CFAP20DC: variants seen among roughly 807,000 people sequenced by gnomAD.
CFAP20DC encodes the protein protein CFAP20DC.
Under a neutral mutation model 101.7 loss-of-function variants are expected in CFAP20DC, and 84 were observed. The observed-to-expected ratio is 0.83, with a 90% CI of 0.69 to 0.99. CFAP20DC has a LOEUF of 0.99. Ranked by LOEUF, CFAP20DC falls within the 50% of genes least tolerant of loss-of-function variation. The pLI is 0.00. For synonymous variants in CFAP20DC, 359 were observed against 351.2 expected (o/e 1.02, Z -0.25); for missense variants, 1,007 against 970.3 (o/e 1.04, Z -0.50).
intron 15 of CFAP20DC, among the ~76,000 whole-genome samples, chr3:58,771,645 A>G (rs2070857159): frequency 6.6e-6 from 1 of 152,334 alleles, no homozygotes; most frequent in African/African-American, 2.4e-5. Flanking sequence ...ATTTTCCCTG[A>G]GAAGGACATT....
Position 58,717,787 on chromosome 3 carries a change from C to T in CFAP20DC, c.198-159G>A, listed in dbSNP as rs1169288476. 6.6e-6 allele frequency among the ~76,000 whole-genome samples: 1 copy of T among 152,138 alleles called. No individual in the cohort carries two copies. The highest frequency in any genetic ancestry group is 1.5e-5 in the Non-Finnish European group (1 of 68,038). On this transcript the variant is annotated intron_variant, in intron 3 of 3. Transcript: ENST00000486145. The surrounding 1 kb of genome is among the most constrained non-coding windows in gnomAD (Gnocchi z 4.1). ...GCAACTTATTAGCTAGAACTGGTGACTTGATCATCTCCAGCTGGATGAGAC... is the reference window on the plus strand; with the variant it reads ...GCAACTTATTAGCTAGAACTGGTGATTTGATCATCTCCAGCTGGATGAGAC...
At chr3:58,767,051 C>T (rs981539619) in intron 15 of CFAP20DC, among the ~76,000 whole-genome samples, 1 of 152,132 alleles carries the variant, frequency 6.6e-6, no homozygotes, top group African/African-American at 2.4e-5. Context: ...ATGTCGCAAC[C>T]CCATTAGACT....
chr3:58,840,833 T>A (rs1348982408), intron 13 of CFAP20DC, among the ~76,000 whole-genome samples: 2 of 152,202 alleles, frequency 1.3e-5, no homozygotes, highest in Non-Finnish European at 2.9e-5. Context: ...TAGGTATTAT[T>A]TTCTCCATTT....
intron 12 of CFAP20DC, among the ~76,000 whole-genome samples, chr3:58,856,120 T>TAA (rs201618257): frequency 6.7e-6 from 1 of 148,766 alleles, no homozygotes; most frequent in Non-Finnish European, 1.5e-5. Flanking sequence ...TCAATAATAC[T>TAA]AAAAAAAAAC....
chr3:58,824,593 ATGT>A (rs2075913111), intron 14 of CFAP20DC: 1 of 152,150 alleles, frequency 6.6e-6, no homozygotes, highest in Non-Finnish European at 1.5e-5. Context: ...TAATATTTTT[ATGT>A]TGTTATGTAA....
intron 12 of CFAP20DC, among the ~76,000 whole-genome samples, chr3:58,852,518 C>T (rs970542705): frequency 6.6e-6 from 1 of 152,130 alleles, no homozygotes; most frequent in African/African-American, 2.4e-5. Context: ...CTCTCCACCC[C>T]AAATCAACAG....
rs532080121 is a variant in CFAP20DC at position 58,930,801 on chromosome 3, G to A, written c.393+6847C>T. 6.6e-5 allele frequency among the ~76,000 whole-genome samples: 10 copies of A among 152,014 alleles called. No individual in the cohort carries two copies. The South Asian group carries it at 1.0e-3, about 16-fold the overall frequency. ...AGCAGGACTGGCAGCCAAGATGGCC[G>A]AATAGGAACAGCTCCGGTCTACAGC... is the stretch of plus-strand genomic sequence containing the variant. On this transcript the variant is annotated intron_variant, in intron 5 of 16. Transcript: ENST00000482387.
At chr3:58,980,196 A>C (rs2092467930) in intron 4 of CFAP20DC, among the ~76,000 whole-genome samples, 1 of 152,142 alleles carries the variant, frequency 6.6e-6, no homozygotes, top group African/African-American at 2.4e-5. Flanking sequence ...CCTCTGTCTG[A>C]GTTGTCTGCC....
intron 13 of CFAP20DC, among the ~76,000 whole-genome samples, chr3:58,843,968 G>C (rs1221368860): frequency 2.2e-5 from 2 of 91,888 alleles, no homozygotes; most frequent in African/African-American, 9.2e-5. Flanking sequence ...AATGCTGAGA[G>C]ATTTTGTCAC....
intron 4 of CFAP20DC, among the ~76,000 whole-genome samples, chr3:59,033,734 T>C: frequency 6.6e-6 from 1 of 152,202 alleles, no homozygotes; most frequent in Non-Finnish European, 1.5e-5. Context: ...TTGGTGTACC[T>C]GAAAGTGATG....
chr3:58,767,558 T>C (rs934892933), intron 15 of CFAP20DC, among the ~76,000 whole-genome samples: 3 of 152,216 alleles, frequency 2.0e-5, no homozygotes, highest in African/African-American at 7.2e-5. Context: ...CTTTTTTTCC[T>C]ATGTTTAAAA....
chr3:58,885,317 T>C (rs978528650), intron 6 of CFAP20DC, among the ~76,000 whole-genome samples: 3 of 152,146 alleles, frequency 2.0e-5, no homozygotes, highest in Non-Finnish European at 4.4e-5. Context: ...CATTCATGTA[T>C]ATTTATATGG....
intron 13 of CFAP20DC, among the ~76,000 whole-genome samples, chr3:58,837,802 A>G (rs1367450625): frequency 6.6e-6 from 1 of 152,204 alleles, no homozygotes; most frequent in African/African-American, 2.4e-5. Context: ...ACAGTAAGAA[A>G]AGTACTAGAA....
At position 59,006,423 on chromosome 3, in the gene CFAP20DC, C is replaced by T. The variant is rs1257893352; in HGVS notation, c.278+33134G>A. Reference sequence around the variant, plus strand: ...CTACCAGGAAAACTGGAAGAATTCACAGATCCTTTGAAAGAAGCAGCATGC... The same window carrying T: ...CTACCAGGAAAACTGGAAGAATTCATAGATCCTTTGAAAGAAGCAGCATGC... On this transcript the variant is annotated intron_variant, in intron 4 of 16. Coordinates refer to ENST00000482387, the MANE Select transcript of CFAP20DC (RefSeq NM_001394063.1). This position sits in a 1 kb window ranked among gnomAD's most constrained non-coding sequence, Gnocchi z 4.3. 6.6e-6 allele frequency among the ~76,000 whole-genome samples: 1 copy of T among 152,190 alleles called. No homozygotes were observed. The highest frequency in any genetic ancestry group is 1.9e-4 in the East Asian group (1 of 5,182).
chr3:58,941,364 T>G (rs1238424797), intron 4 of CFAP20DC, among the ~76,000 whole-genome samples: 5 of 145,414 alleles, frequency 3.4e-5, no homozygotes, highest in African/African-American at 1.3e-4. Context: ...AAAGAAAATT[T>G]CACTTCCCAG....
At chr3:58,776,424 C>A (rs1458146443) in intron 15 of CFAP20DC, among the ~76,000 whole-genome samples, 3 of 152,044 alleles carry the variant, frequency 2.0e-5, no homozygotes, top group Non-Finnish European at 4.4e-5. Flanking sequence ...ACGTGAGACC[C>A]TTATGGGCCT....
intron 4 of CFAP20DC, among the ~76,000 whole-genome samples, chr3:58,963,611 C>G (rs2091324276): frequency 6.6e-6 from 1 of 151,888 alleles, no homozygotes; most frequent in Admixed American, 6.6e-5. Flanking sequence ...AAAATAAGAA[C>G]CACTGTTTTT....
chr3:58,875,462 G>C (rs1294786567), intron 7 of CFAP20DC, among the ~76,000 whole-genome samples: 1 of 152,124 alleles, frequency 6.6e-6, no homozygotes, highest in East Asian at 1.9e-4. Context: ...GAGTAATGAA[G>C]GGCTCTGTGG....
chr3:58,891,414 G>C (rs921365467), intron 6 of CFAP20DC, among the ~76,000 whole-genome samples: 3 of 148,436 alleles, frequency 2.0e-5, no homozygotes, highest in Non-Finnish European at 4.5e-5. Context: ...GAAAGAGAGG[G>C]AGACCGTGGG....
Sources: allele counts gnomAD v4.1 joint callset (sites outside exome capture counted in the v4.1 genomes callset), GRCh38; gene constraint gnomAD v4.1.1; non-coding constraint Gnocchi (gnomAD v3.1); transcripts MANE v1.5; gene names NCBI Gene and HGNC (gene_info 2026-07-23, HGNC 2026-07-21).